Variants in ESR1 observed in about 807,000 individuals in gnomAD.
ESR1 encodes estrogen receptor.
Under a neutral mutation model 52.7 loss-of-function variants are expected in ESR1, and 12 were observed. The ratio of observed to expected loss-of-function variants is 0.23; its 90% CI spans 0.15 to 0.37. The LOEUF is 0.37. Ranked by LOEUF, ESR1 falls within the 10% of genes least tolerant of loss-of-function variation. The probability of loss-of-function intolerance (pLI) is 1.00; values close to 1 mark genes in which losing one functional copy is unlikely to be tolerated. For synonymous variants in ESR1, 305 were observed against 316.8 expected, an observed-to-expected ratio of 0.96 and a Z score of 0.39; for missense variants, 584 against 779.7, an observed-to-expected ratio of 0.75 and a Z score of 2.99.
intron 1 of ESR1, among the ~76,000 whole-genome samples, chr6:151,657,859 C>T (rs1777508796): frequency 6.6e-6 from 1 of 151,640 alleles, no homozygotes; most frequent in Non-Finnish European, 1.5e-5. Context: ...TCATATCATC[C>T]AATCTAATAT....
At chr6:151,765,789 T>C (rs1785005494) in intron 2 of ESR1, among the ~76,000 whole-genome samples, 1 of 152,210 alleles carries the variant, frequency 6.6e-6, no homozygotes, top group South Asian at 2.1e-4. Flanking sequence ...CAGATGGCTG[T>C]TGCTTATGAA....
chr6:152,110,312 T>C (rs1260868717), intron 6 of ESR1, among the ~76,000 whole-genome samples: 4 of 152,160 alleles, frequency 2.6e-5, no homozygotes, highest in African/African-American at 9.7e-5. Flanking sequence ...ATAAGGAAAA[T>C]GTGGTATATA....
intron 1 of ESR1, among the ~76,000 whole-genome samples, chr6:151,679,582 C>T (rs943581635): frequency 3.3e-5 from 5 of 152,090 alleles, no homozygotes; most frequent in East Asian, 3.9e-4. Context: ...CTCAAATTCC[C>T]GACCTCAGGC....
intron 5 of ESR1, among the ~76,000 whole-genome samples, chr6:152,042,478 T>C (rs1289618629): frequency 6.6e-6 from 1 of 152,126 alleles, no homozygotes. Flanking sequence ...CTTTCCCCAG[T>C]GCACAGTTAC....
At chr6:152,040,392 T>C (rs1424792616) in intron 5 of ESR1, among the ~76,000 whole-genome samples, 1 of 152,170 alleles carries the variant, frequency 6.6e-6, no homozygotes, top group African/African-American at 2.4e-5. Context: ...TCTGCTGAGG[T>C]CATCTTTTGG....
intron 4 of ESR1, among the ~76,000 whole-genome samples, chr6:151,947,774 G>A (rs1253408251): frequency 1.3e-5 from 2 of 152,060 alleles, no homozygotes; most frequent in African/African-American, 4.8e-5. Context: ...GGATAAAGAT[G>A]ACCTTAAGAA....
At chr6:151,950,039 A>G (rs544345267) in intron 4 of ESR1, among the ~76,000 whole-genome samples, 1 of 152,256 alleles carries the variant, frequency 6.6e-6, no homozygotes, top group East Asian at 1.9e-4. Flanking sequence ...ATAGTGAGTA[A>G]GTCTCAAGAG....
chr6:151,860,407 T>C (rs1317554649), intron 2 of ESR1, among the ~76,000 whole-genome samples: 1 of 152,154 alleles, frequency 6.6e-6, no homozygotes, highest in Non-Finnish European at 1.5e-5. Context: ...CTTTGACCAA[T>C]ACCTCTCTAT....
intron 5 of ESR1, among the ~76,000 whole-genome samples, chr6:152,017,230 G>C (rs1266687989): frequency 6.6e-6 from 1 of 152,112 alleles, no homozygotes; most frequent in Non-Finnish European, 1.5e-5. Context: ...TGCTTGATTG[G>C]CTTCCTGATG....
intron 6 of ESR1, among the ~76,000 whole-genome samples, chr6:152,115,535 G>C (rs1418749285): frequency 6.6e-6 from 1 of 152,048 alleles, no homozygotes; most frequent in African/African-American, 2.4e-5. Context: ...ATAAAAAAAG[G>C]CCTTCTTAAT....
intron 6 of ESR1, among the ~76,000 whole-genome samples, chr6:152,121,518 A>G (rs2051376839): frequency 6.6e-6 from 1 of 152,200 alleles, no homozygotes; most frequent in Non-Finnish European, 1.5e-5. Context: ...GGGGTCTTCT[A>G]TGTCTAAATC....
chr6:151,807,873 T>C lies in ESR1; in HGVS notation c.-40T>C, dbSNP rs775210904. ...CCGCCGGTTTCTGAGCCTTCTGCCC[T>C]GCGGGGACACGGTCTGCACCCTGCC... On this transcript the variant is annotated 5_prime_UTR_variant, in exon 1 of 8. Coordinates refer to ENST00000206249, the MANE Select transcript of ESR1 (RefSeq NM_000125.4). 7 of 1,584,558 alleles carry C rather than the reference T, an allele frequency of 4.4e-6. No individual in the cohort carries two copies. The highest frequency in any genetic ancestry group is 3.3e-4 in the Middle Eastern group (2 of 6,040).
intron 4 of ESR1, among the ~76,000 whole-genome samples, chr6:151,946,703 G>A (rs2035743084): frequency 6.6e-6 from 1 of 152,100 alleles, no homozygotes; most frequent in Non-Finnish European, 1.5e-5. Flanking sequence ...ATATGTATGT[G>A]TGTTTGTGTG....
intron 5 of ESR1, among the ~76,000 whole-genome samples, chr6:152,022,300 T>G (rs1384754308): frequency 1.3e-5 from 2 of 152,114 alleles, no homozygotes; most frequent in African/African-American, 4.8e-5. Flanking sequence ...ATGGCAATGC[T>G]ATTGATGGAG....
At chr6:152,001,994 T>C (rs1270191065) in intron 4 of ESR1, among the ~76,000 whole-genome samples, 1 of 152,008 alleles carries the variant, frequency 6.6e-6, no homozygotes, top group Non-Finnish European at 1.5e-5. Context: ...GGCTTCCCAG[T>C]TGAAGCATTG....
chr6:151,898,072 G>C (rs1745519121), intron 3 of ESR1, among the ~76,000 whole-genome samples: 2 of 152,134 alleles, frequency 1.3e-5, no homozygotes, highest in Admixed American at 1.3e-4. Flanking sequence ...CTGTTAACTT[G>C]ATGGGTTTTC....
In ESR1 at chr6:152,094,138, C is replaced by A. The variant is rs1206974484; in HGVS notation, c.1370-247C>A. Among the ~76,000 whole-genome samples, 8 of 152,214 alleles carry A rather than the reference C, an allele frequency of 5.3e-5. No homozygotes were observed. Among genetic ancestry groups the A allele is most frequent in the Admixed American group, 5.2e-4 (8 of 15,286 alleles). ...TTACCATGACAGGCCCCAAGGCTAA[C>A]AGCCCCTTTCTGGGTCATGGCTCAT... On this transcript the variant is annotated intron_variant, in intron 6 of 7. Transcript: ENST00000206249. This position sits in a 1 kb window ranked among gnomAD's most constrained non-coding sequence, Gnocchi z 4.6.
chr6:151,702,420 T>C (rs570720507), intron 2 of ESR1, among the ~76,000 whole-genome samples: 1 of 152,338 alleles, frequency 6.6e-6, no homozygotes, highest in Admixed American at 6.5e-5. Flanking sequence ...TGAAAACATT[T>C]CTTGATTTGA....
intron 4 of ESR1, among the ~76,000 whole-genome samples, chr6:151,944,934 G>A (rs1330896085): frequency 1.3e-5 from 2 of 152,186 alleles, no homozygotes; most frequent in Non-Finnish European, 2.9e-5. Context: ...AGATTTTTAA[G>A]ATTCGGTGTG....
Sources: gnomAD v4.1 joint callset for allele counts (sites outside exome capture counted in the v4.1 genomes callset) on GRCh38, gnomAD v4.1.1 for gene constraint, Gnocchi (gnomAD v3.1) non-coding constraint, MANE v1.5 for transcripts, NCBI Gene and HGNC (gene_info 2026-07-23, HGNC 2026-07-21) for gene names.